Variants in DPF3 observed in about 807,000 individuals in gnomAD.
DPF3 encodes zinc finger protein DPF3.
A neutral mutation model predicts 56.8 loss-of-function variants in DPF3; 18 were observed. That is an observed-to-expected ratio of 0.32 (90% confidence interval 0.22 to 0.47). The LOEUF is 0.47. Among genes scored for constraint, DPF3 ranks in the 20% least tolerant of loss-of-function variants. DPF3 has a pLI of 1.00. For synonymous variants in DPF3, 188 were observed against 180.2 expected, an observed-to-expected ratio of 1.04 and a Z score of -0.35; for missense variants, 403 against 488.8, an observed-to-expected ratio of 0.82 and a Z score of 1.65.
At position 72,756,822 on chromosome 14, in the gene DPF3, CAGAAAGAAAGAAAGAA is replaced by C. The variant is rs71109746; in HGVS notation, c.194-3467_194-3452del. Among the ~76,000 whole-genome samples, 380 of 70,028 alleles carry C rather than the reference CAGAAAGAAAGAAAGAA, an allele frequency of 5.4e-3. 3 individuals carry two copies. The highest frequency in any genetic ancestry group is 0.014 in the Middle Eastern group (2 of 140). 45.9% of individuals were successfully genotyped at this position (70,028 alleles called of 152,430 possible). On this transcript the variant is annotated intron_variant, in intron 2 of 10. Transcript: ENST00000556509. ...CAAGATTCTGTGAAAGAAAGAAAGA[CAGAAAGAAAGAAAGAA>C]AGAAAGAAAGAAAGAAAGAAAGAAA... is the stretch of plus-strand genomic sequence containing the variant.
chr14:72,695,822 C>A (rs1440936630), intron 6 of DPF3, among the ~76,000 whole-genome samples: 1 of 151,908 alleles, frequency 6.6e-6, no homozygotes, highest in East Asian at 1.9e-4. Context: ...ATGTAACAAA[C>A]CTGAATCTAA....
intron 1 of DPF3, among the ~76,000 whole-genome samples, chr14:72,795,277 CAAAA>C (rs578053636): frequency 0.086 from 9,422 of 109,490 alleles, 408 homozygotes; most frequent in East Asian, 0.16. Flanking sequence ...CTCTTTTTGA[CAAAA>C]AAAAAAAAAA....
chr14:72,786,188 G>A (rs1054003597), intron 1 of DPF3, among the ~76,000 whole-genome samples: 3 of 152,020 alleles, frequency 2.0e-5, no homozygotes, highest in Admixed American at 6.6e-5. Context: ...GCTTAAACCC[G>A]GGAAGCGGAG....
rs1234898564 is a variant in DPF3, at chr14:72,768,160, C to T, written c.193+3573G>A. On this transcript the variant is annotated intron_variant, in intron 2 of 10. Transcript: ENST00000556509. ...AAAAGAATGGCTAAAGAAAGTACTA[C>T]ATCAGAAAGTAAATGCTAAAAGAAG... Among the ~76,000 whole-genome samples the T allele has an allele frequency of 2.0e-5, 3 of 152,090 alleles. No individual in the cohort carries two copies. The East Asian group carries it at 5.8e-4, about 29-fold the overall frequency.
chr14:72,842,994 A>C (rs1884610989), intron 1 of DPF3, among the ~76,000 whole-genome samples: 1 of 152,074 alleles, frequency 6.6e-6, no homozygotes, highest in Non-Finnish European at 1.5e-5. Context: ...CTGCACTCCA[A>C]CCCGGGTGAC....
intron 3 of DPF3, among the ~76,000 whole-genome samples, chr14:72,733,112 G>C (rs906741730): frequency 6.6e-6 from 1 of 151,910 alleles, no homozygotes; most frequent in African/African-American, 2.4e-5. Context: ...TTTAATTAAA[G>C]ATGCAAACCT....
chr14:72,886,604 G>C (rs1400288144), intron 1 of DPF3, among the ~76,000 whole-genome samples: 3 of 152,096 alleles, frequency 2.0e-5, no homozygotes, highest in Non-Finnish European at 2.9e-5. Context: ...GAAAAATTGA[G>C]GGAATGCCTC....
At chr14:72,875,687 C>A (rs1345773335) in intron 1 of DPF3, among the ~76,000 whole-genome samples, 1 of 152,204 alleles carries the variant, frequency 6.6e-6, no homozygotes, top group African/African-American at 2.4e-5. Context: ...GTGTGCAAAG[C>A]TTACAAAGTA....
chr14:72,873,894 C>T (rs766986789), intron 1 of DPF3, among the ~76,000 whole-genome samples: 11 of 143,266 alleles, frequency 7.7e-5, no homozygotes, highest in African/African-American at 1.3e-4. Context: ...GGACACAGGA[C>T]GGGGAACATC....
At chr14:72,619,779 A>C in intron 10 of DPF3, 124 bp downstream of exon 10, 2 of 957,394 alleles carry the variant, frequency 2.1e-6, no homozygotes, top group Non-Finnish European at 2.9e-6. Context: ...TGTGATGATT[A>C]AATGAGACAA....
intron 1 of DPF3, chr14:72,892,149 G>C: frequency 6.5e-7 from 1 of 1,534,216 alleles, no homozygotes; most frequent in South Asian, 1.2e-5. Flanking sequence ...AAACAAACCT[G>C]GTGCACATGT....
intron 4 of DPF3, among the ~76,000 whole-genome samples, chr14:72,729,873 C>G (rs2059001589): frequency 6.6e-6 from 1 of 152,082 alleles, no homozygotes; most frequent in African/African-American, 2.4e-5. Context: ...TTTGTTCAAA[C>G]CCATTGAATG....
chr14:72,829,227 A>G (rs776485742), intron 1 of DPF3, among the ~76,000 whole-genome samples: 1 of 152,224 alleles, frequency 6.6e-6, no homozygotes, highest in Non-Finnish European at 1.5e-5. Context: ...TCATTAGGGC[A>G]AAATTCCTTT....
At chr14:72,780,070 G>C (rs740980) in intron 1 of DPF3, among the ~76,000 whole-genome samples, 1 of 152,066 alleles carries the variant, frequency 6.6e-6, no homozygotes, top group African/African-American at 2.4e-5. Context: ...TAAATGATGA[G>C]TGAATGAGTG....
chr14:72,838,008 C>T (rs1271986728), intron 1 of DPF3, among the ~76,000 whole-genome samples: 1 of 152,198 alleles, frequency 6.6e-6, no homozygotes, highest in Non-Finnish European at 1.5e-5. Flanking sequence ...GCAGCTTCCA[C>T]AGGCGGTGAA....
At chr14:72,740,212 T>C (rs1391637655) in intron 3 of DPF3, among the ~76,000 whole-genome samples, 1 of 152,056 alleles carries the variant, frequency 6.6e-6, no homozygotes, top group Non-Finnish European at 1.5e-5. Context: ...TACAGGGGCA[T>C]TGAAGGCCAT....
At chr14:72,762,713 C>T (rs1319108445) in intron 2 of DPF3, among the ~76,000 whole-genome samples, 1 of 151,958 alleles carries the variant, frequency 6.6e-6, no homozygotes, top group African/African-American at 2.4e-5. Context: ...AGTCTCACCA[C>T]TTTTACCTAA....
intron 7 of DPF3, among the ~76,000 whole-genome samples, chr14:72,686,062 G>A (rs1300681407): frequency 6.6e-6 from 1 of 152,202 alleles, no homozygotes; most frequent in Non-Finnish European, 1.5e-5. Context: ...CAACAACTGG[G>A]TGCATGTACA....
intron 3 of DPF3, among the ~76,000 whole-genome samples, chr14:72,750,965 A>G (rs1048874057): frequency 2.0e-5 from 3 of 152,154 alleles, no homozygotes; most frequent in Non-Finnish European, 2.9e-5. Context: ...CCGAGGCAGG[A>G]GGATTATCTG....
Sources: allele counts gnomAD v4.1 joint callset (sites outside exome capture counted in the v4.1 genomes callset), GRCh38; gene constraint gnomAD v4.1.1; transcripts MANE v1.5; gene names NCBI Gene and HGNC (gene_info 2026-07-23, HGNC 2026-07-21).